ZNF536: variants seen among roughly 807,000 people sequenced by gnomAD.
The protein encoded by ZNF536 is zinc finger protein 536.
Under a neutral mutation model 84.5 loss-of-function variants are expected in ZNF536, and 13 were observed. That is an observed-to-expected ratio of 0.15 (90% CI 0.10 to 0.24). The LOEUF (loss-of-function observed/expected upper bound fraction) is 0.24, where lower values mean the gene tolerates loss of function less well. Ranked by LOEUF, ZNF536 falls within the 10% of genes least tolerant of loss-of-function variation. ZNF536 has a pLI of 1.00. For missense variants in ZNF536, 1,536 were observed against 1,747.5 expected, an observed-to-expected ratio of 0.88 and a Z score of 2.16; for synonymous variants, 811 against 742.5, an observed-to-expected ratio of 1.09 and a Z score of -1.50.
At chr19:30,596,668 A>G (rs11669242) in intron 1 of ZNF536, among the ~76,000 whole-genome samples, 38,654 of 151,970 alleles carry the variant, frequency 0.25, 5,305 homozygotes, top group African/African-American at 0.35. Flanking sequence ...AAGCTGCAAA[A>G]AGGGAAAAAA....
upstream of ZNF536, among the ~76,000 whole-genome samples, chr19:30,226,090 T>G (rs2022595094): frequency 1.3e-5 from 2 of 148,964 alleles, no homozygotes; most frequent in South Asian, 2.2e-4. This position sits in a 1 kb window ranked among gnomAD's most constrained non-coding sequence, Gnocchi z 4.6. Flanking sequence ...TGAAAAGGAG[T>G]CCCGAGGCCT....
At chr19:30,633,701 A>G (rs1337552793) in intron 1 of ZNF536, among the ~76,000 whole-genome samples, 2 of 152,096 alleles carry the variant, frequency 1.3e-5, no homozygotes, top group African/African-American at 4.8e-5. Context: ...CACAAATTAT[A>G]TTAGATTTTA....
At chr19:30,573,042 A>C (rs1385439506) in intron 1 of ZNF536, among the ~76,000 whole-genome samples, 2 of 152,184 alleles carry the variant, frequency 1.3e-5, no homozygotes, top group Non-Finnish European at 2.9e-5. Context: ...TGAGGGGGGC[A>C]CATATTCTAA....
At chr19:30,647,568 C>T (rs1009621729) in intron 1 of ZNF536, among the ~76,000 whole-genome samples, 4 of 152,238 alleles carry the variant, frequency 2.6e-5, no homozygotes, top group East Asian at 1.9e-4. Flanking sequence ...CATCTGCTTT[C>T]GTCTTCCCTT....
At chr19:30,646,398 G>A (rs962267671) in intron 1 of ZNF536, among the ~76,000 whole-genome samples, 1 of 152,248 alleles carries the variant, frequency 6.6e-6, no homozygotes, top group Non-Finnish European at 1.5e-5. Context: ...CTAGGAGCAC[G>A]AATGTGCACA....
chr19:30,236,444 C>A (rs577200716), intron 1 of ZNF536, among the ~76,000 whole-genome samples: 34 of 151,664 alleles, frequency 2.2e-4, no homozygotes, highest in African/African-American at 8.3e-4. Context: ...CCCACCCCAC[C>A]CATTTCCTTC....
chr19:30,281,509 T>C (rs1440349404), intron 1 of ZNF536, among the ~76,000 whole-genome samples: 9 of 111,694 alleles, frequency 8.1e-5, no homozygotes, highest in Non-Finnish European at 1.2e-4. Context: ...CTTCACACGA[T>C]GGGTGGTATC....
chr19:30,629,283 C>T (rs937733404), intron 1 of ZNF536, among the ~76,000 whole-genome samples: 20 of 152,252 alleles, frequency 1.3e-4, no homozygotes, highest in African/African-American at 3.9e-4. Context: ...ACTGCAGGCT[C>T]GACCTCCTCG....
intron 1 of ZNF536, among the ~76,000 whole-genome samples, chr19:30,591,790 A>G (rs1243859867): frequency 1.3e-5 from 2 of 152,160 alleles, no homozygotes; most frequent in Admixed American, 6.5e-5. Context: ...GGACAAGAGA[A>G]ACACATCCCT....
At chr19:30,596,822 A>C (rs1451451495) in intron 1 of ZNF536, among the ~76,000 whole-genome samples, 3 of 151,434 alleles carry the variant, frequency 2.0e-5, no homozygotes, top group African/African-American at 7.3e-5. Flanking sequence ...CTGTGAGATG[A>C]GGCAGATTTC....
At chr19:30,392,073 G>A (rs1055463299) in intron 1 of ZNF536, among the ~76,000 whole-genome samples, 7 of 152,282 alleles carry the variant, frequency 4.6e-5, no homozygotes, top group African/African-American at 1.7e-4. Context: ...CGGAGCTGGG[G>A]GCCAGAGGAG....
chr19:30,260,504 C>T (rs2025150194), intron 1 of ZNF536, among the ~76,000 whole-genome samples: 1 of 152,196 alleles, frequency 6.6e-6, no homozygotes, highest in South Asian at 2.1e-4. Flanking sequence ...GGTTGGTGGT[C>T]CAAGCCCAAG....
intron 1 of ZNF536, among the ~76,000 whole-genome samples, chr19:30,678,707 C>T (rs548926436): frequency 8.4e-4 from 127 of 151,732 alleles, no homozygotes; most frequent in Middle Eastern, 3.4e-3. Context: ...TAGAATTCCT[C>T]GGAGCTCCTT....
rs35509271 is a variant in ZNF536, at chr19:30,582,375, CTTTTTT to C, written c.169+32880_169+32885del. 9.8e-3 allele frequency among the ~76,000 whole-genome samples: 878 copies of C among 89,138 alleles called. 13 individuals are homozygous for C. Among genetic ancestry groups the C allele is most frequent in the African/African-American group, 0.032 (820 of 25,336 alleles). The allele number at this position is 89,138 out of a possible 152,430, so 58.5% of individuals were successfully genotyped here. A position where few individuals can be genotyped will look rare whatever the true frequency, so the allele number is the denominator to read the frequency against. On this transcript the variant is annotated intron_variant, in intron 1 of 1. Coordinates refer to the ZNF536 transcript ENST00000592773. The stretch of plus-strand genomic sequence containing the variant: ...GTCCTGGCTTCTCTTCCTAGTTTCT[CTTTTTT>C]TTTTTTTTTTTTTTTTTTCAGACAG...
chr19:30,306,588 C>T (rs533215253), intron 2 of ZNF536, among the ~76,000 whole-genome samples: 7 of 152,152 alleles, frequency 4.6e-5, no homozygotes, highest in African/African-American at 1.4e-4. Context: ...ATTTCACCTG[C>T]GACTTTGATT....
intron 1 of ZNF536, among the ~76,000 whole-genome samples, chr19:30,679,756 C>T (rs2050893424): frequency 6.6e-6 from 1 of 152,214 alleles, no homozygotes; most frequent in Non-Finnish European, 1.5e-5. Context: ...TGGTAGTTAA[C>T]ATTTAAAACT....
At chr19:30,392,620 C>T (rs914225328) in intron 1 of ZNF536, among the ~76,000 whole-genome samples, 1 of 152,182 alleles carries the variant, frequency 6.6e-6, no homozygotes, top group Non-Finnish European at 1.5e-5. Context: ...TAGGGTGTCT[C>T]TGTTCTTAGA....
chr19:30,234,366 A>G (rs1379759393), intron 1 of ZNF536, among the ~76,000 whole-genome samples: 2 of 91,850 alleles, frequency 2.2e-5, no homozygotes, highest in Admixed American at 2.2e-4. Flanking sequence ...TGCTGACTCT[A>G]TTTGTCTATT....
intron 2 of ZNF536, among the ~76,000 whole-genome samples, chr19:30,302,558 A>T (rs2046219257): frequency 6.6e-6 from 1 of 152,124 alleles, no homozygotes; most frequent in African/African-American, 2.4e-5. Context: ...ACAGGACAAG[A>T]ACTCAGTTCT....
Sources: gnomAD v4.1 joint callset for allele counts (sites outside exome capture counted in the v4.1 genomes callset) on GRCh38, gnomAD v4.1.1 for gene constraint, Gnocchi (gnomAD v3.1) non-coding constraint, MANE v1.5 for transcripts, NCBI Gene and HGNC (gene_info 2026-07-23, HGNC 2026-07-21) for gene names.